Variants in WDFY3 observed in about 807,000 individuals in gnomAD.
WDFY3 encodes the protein WD repeat and FYVE domain-containing protein 3.
In WDFY3, 66 loss-of-function variants were observed where a neutral mutation model predicts 409.6. The observed-to-expected ratio is 0.16, with a 90% CI of 0.13 to 0.20. The LOEUF is 0.20. Among genes scored for constraint, WDFY3 ranks in the 10% least tolerant of loss-of-function variants. The probability of loss-of-function intolerance (pLI) is 1.00; values close to 1 mark genes in which losing one functional copy is unlikely to be tolerated. For missense variants in WDFY3, 3,031 were observed against 4,298.1 expected (o/e 0.71, Z 8.24); for synonymous variants, 1,521 against 1,537.1 (o/e 0.99, Z 0.25).
chr4:84,897,709 C>A (rs557753742), intron 2 of WDFY3, among the ~76,000 whole-genome samples: 1 of 152,224 alleles, frequency 6.6e-6, no homozygotes, highest in East Asian at 1.9e-4. Flanking sequence ...GTGTTCCTAA[C>A]GCAGGACAAA....
chr4:84,782,963 C>G lies in WDFY3; in HGVS notation c.4174G>C (p.Gly1392Arg). The G allele has an allele frequency of 6.2e-7, 1 of 1,611,900 alleles. No individual in the cohort carries two copies. The highest frequency in any genetic ancestry group is 8.5e-7 in the Non-Finnish European group (1 of 1,179,436). Residue 1392 changes from glycine to arginine, a missense_variant and splice_region_variant, in exon 25 of 68, where the codon GGA (glycine) becomes CGA (arginine). By Grantham distance (125) the Gly-to-Arg change is moderately radical. Around this residue, in one of 16 missense-constraint regions of WDFY3, gnomAD observed 1,322 missense variants for 1,697.9 expected, o/e 0.78. Transcript: ENST00000295888. Reference sequence around the variant, plus strand: ...AAACAACAAAGATAAGTCCACTCACCCAAGTATCCAATCAGAGCGGCCCCA... The same window carrying G: ...AAACAACAAAGATAAGTCCACTCACGCAAGTATCCAATCAGAGCGGCCCCA... ...TIGAALIGYL[G>R]VRTFVPKPVA...
chr4:84,767,609 T>C (rs1188357468), intron 30 of WDFY3, among the ~76,000 whole-genome samples: 3 of 150,672 alleles, frequency 2.0e-5, no homozygotes, highest in Non-Finnish European at 4.4e-5. Context: ...GCTACTCCAG[T>C]GAACACGCAA....
At chr4:84,863,454 A>G (rs1330602365) in intron 3 of WDFY3, among the ~76,000 whole-genome samples, 2 of 152,180 alleles carry the variant, frequency 1.3e-5, no homozygotes, top group Non-Finnish European at 2.9e-5. Context: ...GGTTTTGATC[A>G]GCATTTCCCT....
intron 36 of WDFY3, among the ~76,000 whole-genome samples, chr4:84,750,411 A>T (rs182509132): frequency 5.9e-4 from 90 of 152,218 alleles, no homozygotes; most frequent in African/African-American, 2.1e-3. Flanking sequence ...AATAAGATAA[A>T]CATGTGGTTT....
chr4:84,724,335 T>A, intron 46 of WDFY3, 91 bp downstream of exon 46: 1 of 1,423,060 alleles, frequency 7.0e-7, no homozygotes, highest in Non-Finnish European at 9.5e-7. Context: ...AAGTTGGCCC[T>A]ACTATTTATA....
rs560545471 is a variant in WDFY3, at chr4:84,951,586, C to T, written c.-226+14623G>A. 1.6e-4 allele frequency among the ~76,000 whole-genome samples: 24 copies of T among 152,322 alleles called. No individual in the cohort carries two copies. The South Asian group carries it at 5.0e-3, about 32-fold the overall frequency. ...ATCTATATCTCAACAACATGCCACA[C>T]ATGCTATATAGTAAAATCACTTCTA... On this transcript the variant is annotated intron_variant, in intron 1 of 67. Coordinates refer to ENST00000295888, the MANE Select transcript of WDFY3 (RefSeq NM_014991.6).
chr4:84,961,209 C>T (rs1774873711), intron 1 of WDFY3, among the ~76,000 whole-genome samples: 1 of 131,316 alleles, frequency 7.6e-6, no homozygotes, highest in East Asian at 2.2e-4. Context: ...AAGCAAGACT[C>T]TGTCTCAAAA....
rs542045392 is a variant in WDFY3 at position 84,864,376 on chromosome 4, A to G, written c.-31-3754T>C. 2.6e-5 allele frequency among the ~76,000 whole-genome samples: 4 copies of G among 151,748 alleles called. 1 individual carries two copies. In the South Asian group the frequency reaches 8.3e-4, roughly 32 times the overall value. ...GCAAGACTCCATCTCAAAAAAAAAA[A>G]AAAAAAAAAAAAAGAACAAGAATGC... On this transcript the variant is annotated intron_variant, in intron 3 of 67. Transcript: ENST00000295888.
chr4:84,708,236 T>C (rs1441965830), intron 53 of WDFY3, among the ~76,000 whole-genome samples: 1 of 152,234 alleles, frequency 6.6e-6, no homozygotes, highest in East Asian at 1.9e-4. Context: ...CTTGGAATAG[T>C]ATAAAAAATT....
At chr4:84,859,469 C>T (rs906754994) in intron 4 of WDFY3, among the ~76,000 whole-genome samples, 15 of 152,234 alleles carry the variant, frequency 9.9e-5, no homozygotes, top group South Asian at 4.1e-4. Context: ...TCTTTCATGG[C>T]GGCAGCAATT....
rs189520205 is a variant in WDFY3, at chr4:84,699,169, T to G, written c.8597-2346A>C. On this transcript the variant is annotated intron_variant, in intron 56 of 67. Coordinates refer to ENST00000295888, the MANE Select transcript of WDFY3 (RefSeq NM_014991.6). Reference sequence around the variant, plus strand: ...GATTTCTATCTAGTCCCAAAGCATTTTTATCACCACCAAAGTAATCTTGTA... The same window carrying G: ...GATTTCTATCTAGTCCCAAAGCATTGTTATCACCACCAAAGTAATCTTGTA... 2.0e-4 allele frequency among the ~76,000 whole-genome samples: 30 copies of G among 152,208 alleles called. No homozygotes were observed. In the East Asian group the frequency reaches 5.8e-3, roughly 29 times the overall value.
intron 5 of WDFY3, among the ~76,000 whole-genome samples, chr4:84,842,433 C>T (rs1009884146): frequency 4.0e-5 from 6 of 150,674 alleles, no homozygotes; most frequent in Non-Finnish European, 5.9e-5. Flanking sequence ...GCCAAGATCA[C>T]GCCACTGCAC....
At chr4:84,879,990 A>G (rs1208180589) in intron 3 of WDFY3, among the ~76,000 whole-genome samples, 1 of 152,244 alleles carries the variant, frequency 6.6e-6, no homozygotes. Flanking sequence ...CCTAATCTCT[A>G]GAACCTGTAT....
chr4:84,903,047 C>A (rs1766552511), intron 2 of WDFY3, among the ~76,000 whole-genome samples: 1 of 152,096 alleles, frequency 6.6e-6, no homozygotes, highest in Non-Finnish European at 1.5e-5. Flanking sequence ...AAAATCAAAT[C>A]ACGAAGAATA....
chr4:84,916,169 C>G (rs1448606309), intron 2 of WDFY3, among the ~76,000 whole-genome samples: 3 of 151,882 alleles, frequency 2.0e-5, no homozygotes, highest in African/African-American at 7.3e-5. Context: ...CAGAACGACA[C>G]AAAAATAACA....
intron 24 of WDFY3, among the ~76,000 whole-genome samples, chr4:84,784,562 G>A (rs2149503723): frequency 6.6e-6 from 1 of 152,064 alleles, no homozygotes; most frequent in South Asian, 2.1e-4. Context: ...CTTGAGCCGG[G>A]TGGGATGGCT....
chr4:84,785,989 A>G lies in WDFY3; in HGVS notation c.4052T>C (p.Ile1351Thr). The G allele has an allele frequency of 1.2e-6, 2 of 1,613,818 alleles. No individual in the cohort carries two copies. The highest frequency in any genetic ancestry group is 8.5e-7 in the Non-Finnish European group (1 of 1,179,890). The change falls in exon 24 of 68, where the codon ATT becomes ACT. Residue 1351 changes from isoleucine (I) to threonine (T), a missense_variant. By Grantham distance (89) the Ile-to-Thr change is moderately conservative. Transcript: ENST00000295888. The stretch of plus-strand genomic sequence containing the variant: ...AATCATTCTGCTTACCTGCTTAGCA[A>G]TGGCTTTGCTATCCAATTTGTTATA... ...KVYNKLDSKAIAKQLGISSHE... is the reference protein window; with the variant it reads ...KVYNKLDSKATAKQLGISSHE...
At position 84,756,953 on chromosome 4, in the gene WDFY3, G is replaced by C. The variant is rs760336630; in HGVS notation, c.5397C>G (p.Ile1799Met). 1.2e-6 allele frequency: 2 copies of C among 1,614,034 alleles called. No homozygotes were observed. The highest frequency in any genetic ancestry group is 2.2e-5 in the East Asian group (1 of 44,876). ...PENLQVSVPV[I>M]SCRSKQGCQF... ...GGCAACCCTGCTTACTCCGGCAGCT[G>C]ATGACAGGCACACTGACCTGCAGGT... Residue 1799 changes from isoleucine (I) to methionine (M), a missense_variant, in exon 33 of 68, where the codon ATC (isoleucine) becomes ATG (methionine). Physicochemically the swap from Ile to Met is conservative, Grantham distance 10 (BLOSUM62 1). This residue lies in a region of WDFY3 where 342 missense variants were observed against 463.7 expected (regional missense o/e 0.74). Coordinates refer to ENST00000295888, the MANE Select transcript of WDFY3 (RefSeq NM_014991.6).
intron 25 of WDFY3, among the ~76,000 whole-genome samples, chr4:84,782,662 T>C (rs1487160769): frequency 1.3e-5 from 2 of 152,208 alleles, no homozygotes; most frequent in African/African-American, 4.8e-5. Flanking sequence ...CTTGTGTTAG[T>C]TTGCTGAGGA....
Sources: gnomAD v4.1 joint callset for allele counts (sites outside exome capture counted in the v4.1 genomes callset) on GRCh38, gnomAD v4.1.1 for gene constraint, gnomAD v4.1.1 regional missense constraint, MANE v1.5 for transcripts, NCBI Gene and HGNC (gene_info 2026-07-23, HGNC 2026-07-21) for gene names.